The following MAJIN variants were observed in gnomAD, a reference collection of about 807,000 sequenced individuals.
MAJIN encodes membrane anchored junction protein, also known as membrane-anchored junction protein.
A neutral mutation model predicts 30.2 loss-of-function variants in MAJIN; 27 were observed. The ratio of observed to expected loss-of-function variants is 0.89; its 90% CI spans 0.66 to 1.23. MAJIN has a LOEUF of 1.23. Among genes scored for constraint, MAJIN ranks in the 50% most tolerant of loss-of-function variants. The pLI is 0.00. For missense variants in MAJIN, 253 were observed against 260.3 expected, an observed-to-expected ratio of 0.97 and a Z score of 0.19; for synonymous variants, 78 against 91.6, an observed-to-expected ratio of 0.85 and a Z score of 0.85.
At chr11:64,969,133 G>A (rs1565150291) in intron 1 of MAJIN, among the ~76,000 whole-genome samples, 1 of 152,172 alleles carries the variant, frequency 6.6e-6, no homozygotes, top group South Asian at 2.1e-4. Flanking sequence ...ACTCTACTGA[G>A]ATGGGGAATA....
At chr11:64,955,987 T>G (rs953761144) in intron 3 of MAJIN, among the ~76,000 whole-genome samples, 1 of 152,002 alleles carries the variant, frequency 6.6e-6, no homozygotes, top group African/African-American at 2.4e-5. Context: ...GCCAACGTGG[T>G]GAAACCCTGT....
chr11:64,969,016 ATAGT>A (rs1303664604), intron 1 of MAJIN, among the ~76,000 whole-genome samples: 70 of 152,302 alleles, frequency 4.6e-4, no homozygotes, highest in African/African-American at 1.6e-3. Flanking sequence ...AAATTAATAA[ATAGT>A]TAGATTTGAG....
chr11:64,938,961 G>C (rs1945329750), intron 10 of MAJIN, among the ~76,000 whole-genome samples: 1 of 152,138 alleles, frequency 6.6e-6, no homozygotes, highest in Non-Finnish European at 1.5e-5. Flanking sequence ...ACAGAGTCTT[G>C]CTCTGTTGTC....
intron 8 of MAJIN, chr11:64,946,197 C>A: frequency 6.6e-7 from 1 of 1,505,472 alleles, no homozygotes; most frequent in South Asian, 1.2e-5. Context: ...CTGGCAGAGG[C>A]AATATCACTA....
intron 8 of MAJIN, among the ~76,000 whole-genome samples, chr11:64,942,202 G>A (rs1945389356): frequency 6.6e-6 from 1 of 152,144 alleles, no homozygotes; most frequent in Non-Finnish European, 1.5e-5. Flanking sequence ...AGCTCCTCAA[G>A]CTGTTTTGCT....
chr11:64,947,090 G>A (rs942577694), intron 8 of MAJIN, among the ~76,000 whole-genome samples: 7 of 152,196 alleles, frequency 4.6e-5, no homozygotes, highest in African/African-American at 1.7e-4. Flanking sequence ...AACATAGTAA[G>A]TATTATTGAA....
At chr11:64,947,271 T>TG in intron 8 of MAJIN, 103 bp downstream of exon 8, 1 of 964,604 alleles carries the variant, frequency 1.0e-6, no homozygotes, top group Non-Finnish European at 1.5e-6. Flanking sequence ...GATGAAGTCC[T>TG]GCAAAAGAAA....
chr11:64,969,476 C>A (rs1945863169), intron 1 of MAJIN, among the ~76,000 whole-genome samples: 1 of 150,488 alleles, frequency 6.6e-6, no homozygotes, highest in South Asian at 2.1e-4. Context: ...AACGACATGA[C>A]CAGATGGCTG....
intron 8 of MAJIN, among the ~76,000 whole-genome samples, chr11:64,942,931 G>A (rs1945399807): frequency 6.6e-6 from 1 of 152,166 alleles, no homozygotes; most frequent in Non-Finnish European, 1.5e-5. Flanking sequence ...GAGGGCAAAG[G>A]CCCTGGGACA....
chr11:64,945,146 A>G (rs1945432287), intron 8 of MAJIN, among the ~76,000 whole-genome samples: 1 of 152,162 alleles, frequency 6.6e-6, no homozygotes, highest in Non-Finnish European at 1.5e-5. Context: ...TCACGAGGTC[A>G]GGAGATCGAG....
chr11:64,947,845 A>G, intron 6 of MAJIN, 26 bp from the exon 7 acceptor site: 1 of 1,589,338 alleles, frequency 6.3e-7, no homozygotes. Context: ...TGAGTGTCAT[A>G]ATAGATTTAA....
intron 1 of MAJIN, among the ~76,000 whole-genome samples, chr11:64,961,088 G>A (rs1256350008): frequency 1.3e-5 from 2 of 152,106 alleles, no homozygotes; most frequent in Middle Eastern, 3.2e-3. Context: ...CTCAGTAGGC[G>A]GTGAGCCCAC....
intron 3 of MAJIN, among the ~76,000 whole-genome samples, chr11:64,955,397 G>A (rs1262624723): frequency 1.3e-5 from 2 of 151,960 alleles, no homozygotes; most frequent in Non-Finnish European, 2.9e-5. Context: ...GATAAAACAC[G>A]AAGTATGCAT....
chr11:64,951,992 A>T (rs1464257951), intron 4 of MAJIN, among the ~76,000 whole-genome samples: 1 of 151,892 alleles, frequency 6.6e-6, no homozygotes, highest in East Asian at 1.9e-4. Flanking sequence ...GGGTTCAAGC[A>T]GTGCTGTGCC....
chr11:64,969,546 G>C (rs1945864504), intron 1 of MAJIN, among the ~76,000 whole-genome samples: 2 of 151,404 alleles, frequency 1.3e-5, no homozygotes, highest in Admixed American at 1.3e-4. Context: ...CCCGGAACAA[G>C]AACAGATGAA....
chr11:64,941,037 A>G (rs1440112278), intron 8 of MAJIN, among the ~76,000 whole-genome samples: 1 of 151,148 alleles, frequency 6.6e-6, no homozygotes, highest in Non-Finnish European at 1.5e-5. Context: ...ACAGGGTTTC[A>G]CCGTGTTAGC....
At chr11:64,959,759 G>T (rs1461373968) in intron 2 of MAJIN, among the ~76,000 whole-genome samples, 2 of 152,164 alleles carry the variant, frequency 1.3e-5, no homozygotes, top group East Asian at 3.8e-4. Flanking sequence ...TTTCTCCCAA[G>T]TATCTCTTGA....
rs58387921 is a variant in MAJIN, at chr11:64,966,145, G to GAAAAAAAAAAAAA, written c.-65+5719_-65+5731dup. 2.1e-3 allele frequency among the ~76,000 whole-genome samples: 119 copies of GAAAAAAAAAAAAA among 57,116 alleles called. 5 individuals carry two copies. Among genetic ancestry groups the GAAAAAAAAAAAAA allele is most frequent in the Admixed American group, 3.0e-3 (10 of 3,378 alleles). The allele number at this position is 57,116 out of a possible 152,430, so 37.5% of individuals were successfully genotyped here. On this transcript the variant is annotated intron_variant, in intron 1 of 10. Transcript: ENST00000301896. ...ACATGTAAGGAAGAAGATTAAAAAT[G>GAAAAAAAAAAAAA]AAAAAAAAAAAAAAAAAAAAGCAGC...
intron 10 of MAJIN, 100 bp from the exon 11 acceptor site, chr11:64,938,673 G>A: frequency 7.6e-7 from 1 of 1,323,290 alleles, no homozygotes; most frequent in South Asian, 1.3e-5. Context: ...TTTTTGCTCT[G>A]GGGAACCATT....
Sources: gnomAD v4.1 joint callset for allele counts (sites outside exome capture counted in the v4.1 genomes callset) on GRCh38, gnomAD v4.1.1 for gene constraint, MANE v1.5 for transcripts, NCBI Gene and HGNC (gene_info 2026-07-23, HGNC 2026-07-21) for gene names.